HMGN4: variants seen among roughly 807,000 people sequenced by gnomAD.
HMGN4 encodes high mobility group nucleosome-binding domain-containing protein 4.
For synonymous variants in HMGN4, 39 were observed against 39.1 expected (o/e 1.00, Z 0.01); for missense variants, 69 against 104.9 (o/e 0.66, Z 1.49).
chr6:26,546,525 T>A lies in HMGN4; in HGVS notation c.*1046T>A, dbSNP rs1764352891. ...TGTGTGGGTCTTTTGATGGTTTCTA[T>A]TCTGACTGACATCAATTTGTCTAAT... is the stretch of plus-strand genomic sequence containing the variant. On this transcript the variant is annotated 3_prime_UTR_variant, in exon 2 of 2. Transcript: ENST00000377575. Among the ~76,000 whole-genome samples the A allele has an allele frequency of 6.6e-6, 1 of 152,238 alleles. No individual in the cohort carries two copies. Among genetic ancestry groups the A allele is most frequent in the Non-Finnish European group, 1.5e-5 (1 of 68,040 alleles).
intron 1 of HMGN4, among the ~76,000 whole-genome samples, chr6:26,540,462 G>A (rs1308154271): frequency 6.6e-6 from 1 of 151,808 alleles, no homozygotes; most frequent in Admixed American, 6.6e-5. Flanking sequence ...AGCTTCCCAA[G>A]TAGTTGGGAC....
At chr6:26,539,634 T>TAAAAAAAAAAAAAAAAAA (rs61003052) in intron 1 of HMGN4, among the ~76,000 whole-genome samples, 2 of 125,180 alleles carry the variant, frequency 1.6e-5, no homozygotes, top group Admixed American at 8.4e-5. Context: ...TCCGCAAAAT[T>TAAAAAAAAAAAAAAAAAA]AAAAAAAAAA....
rs371305352 is a variant in HMGN4, at chr6:26,539,052, G to C, written c.-81+551G>C. 1.2e-3 allele frequency among the ~76,000 whole-genome samples: 190 copies of C among 152,306 alleles called. 1 individual carries two copies. Among genetic ancestry groups the C allele is most frequent in the Admixed American group, 4.1e-3 (63 of 15,292 alleles). On this transcript the variant is annotated intron_variant, in intron 1 of 1. Coordinates refer to ENST00000377575, the MANE Select transcript of HMGN4 (RefSeq NM_006353.3). ...TGTTTAGAATCAGGACTGGTGCCTT[G>C]GTGTTTGGCCTCTTACCTCTGCCAC...
intron 1 of HMGN4, among the ~76,000 whole-genome samples, chr6:26,540,328 C>CTTT (rs11333869): frequency 2.8e-5 from 4 of 144,116 alleles, no homozygotes; most frequent in Non-Finnish European, 3.0e-5. Flanking sequence ...GCCTGTGAAT[C>CTTT]TTTTTTTTTT....
chr6:26,544,155 C>A (rs966620201), intron 1 of HMGN4, among the ~76,000 whole-genome samples: 2 of 152,174 alleles, frequency 1.3e-5, no homozygotes, highest in African/African-American at 4.8e-5. Context: ...GAAGAGAATG[C>A]AACCTCCCCC....
Position 26,546,013 on chromosome 6 carries a change from A to C in HMGN4, c.*534A>C, listed in dbSNP as rs771934523. ...GGATTCATCCTGCTGGTTTTACTTT[A>C]GTCCCTCCATGTCAAAGTGGGCCTG... On this transcript the variant is annotated 3_prime_UTR_variant, in exon 2 of 2. Transcript: ENST00000377575. 1.2e-5 allele frequency: 2 copies of C among 167,126 alleles called. No homozygotes were observed. The highest frequency in any genetic ancestry group is 4.8e-5 in the African/African-American group (2 of 41,458). 10.4% of individuals were successfully genotyped at this position (167,126 alleles called of 1,614,324 possible). A position where few individuals can be genotyped will look rare whatever the true frequency, so the allele number is the denominator to read the frequency against.
rs1386271770 is a variant in HMGN4 at position 26,546,426 on chromosome 6, AT to A, written c.*950del. On this transcript the variant is annotated 3_prime_UTR_variant, in exon 2 of 2. Coordinates refer to ENST00000377575, the MANE Select transcript of HMGN4 (RefSeq NM_006353.3). ...TATTCGAAGTGGTTGTCTCTGCACT[AT>A]TTACTGAAAAGTTCATCCTTTCCCC... 4.6e-5 allele frequency among the ~76,000 whole-genome samples: 7 copies of A among 152,188 alleles called. No individual in the cohort carries two copies. Among genetic ancestry groups the A allele is most frequent in the Non-Finnish European group, 7.3e-5 (5 of 68,048 alleles).
rs1001050671 is a variant in HMGN4, at chr6:26,546,524, A to T, written c.*1045A>T. Among the ~76,000 whole-genome samples the T allele has an allele frequency of 3.9e-5, 6 of 152,172 alleles. No homozygotes were observed. The highest frequency in any genetic ancestry group is 2.4e-5 in the African/African-American group (1 of 41,440). Reference sequence around the variant, plus strand: ...GTGTGTGGGTCTTTTGATGGTTTCTATTCTGACTGACATCAATTTGTCTAA... The same window carrying T: ...GTGTGTGGGTCTTTTGATGGTTTCTTTTCTGACTGACATCAATTTGTCTAA... On this transcript the variant is annotated 3_prime_UTR_variant, in exon 2 of 2. Coordinates refer to ENST00000377575, the MANE Select transcript of HMGN4 (RefSeq NM_006353.3).
intron 1 of HMGN4, among the ~76,000 whole-genome samples, chr6:26,538,886 G>T (rs1764252607): frequency 6.6e-6 from 1 of 152,196 alleles, no homozygotes; most frequent in Admixed American, 6.5e-5. Context: ...CCTGCCGTGG[G>T]CTCTCCCTTC....
At chr6:26,539,625 C>T (rs1248162958) in intron 1 of HMGN4, among the ~76,000 whole-genome samples, 1 of 96,410 alleles carries the variant, frequency 1.0e-5, no homozygotes, top group Non-Finnish European at 2.0e-5. Flanking sequence ...TTTGGTGGGT[C>T]CGCAAAATTA....
At chr6:26,544,111 A>G (rs765357068) in intron 1 of HMGN4, among the ~76,000 whole-genome samples, 8 of 152,150 alleles carry the variant, frequency 5.3e-5, no homozygotes, top group Admixed American at 1.3e-4. Flanking sequence ...GACATAGGTA[A>G]TACTCCAGCC....
At chr6:26,540,839 C>G (rs1764280463) in intron 1 of HMGN4, among the ~76,000 whole-genome samples, 3 of 152,140 alleles carry the variant, frequency 2.0e-5, no homozygotes, top group Non-Finnish European at 4.4e-5. Context: ...CTCCCAGAAA[C>G]CCAGTTCCGT....
In HMGN4 at chr6:26,545,166, C is replaced by A; in HGVS notation, c.-41C>A. 1 of 1,538,096 alleles carries A rather than the reference C, an allele frequency of 6.5e-7. No homozygotes were observed. The highest frequency in any genetic ancestry group is 1.3e-5 in the South Asian group (1 of 77,698). On this transcript the variant is annotated 5_prime_UTR_variant, in exon 2 of 2. Transcript: ENST00000377575. ...ACAGCGTGAGGAGGACAGAAGCACC[C>A]AACAGGACTGCTCAAGCCACCTGCG...
In HMGN4 at chr6:26,545,347, G is replaced by A; in HGVS notation, c.141G>A (p.Lys47=). The change falls in exon 2 of 2, where the codon AAG becomes AAA. Residue 47 remains lysine, a synonymous_variant. Coordinates refer to ENST00000377575, the MANE Select transcript of HMGN4 (RefSeq NM_006353.3). ...PEPRPKKASA[K]KGEKLPKGRK... ...CCAGGCCTAAAAAGGCCTCTGCAAAGAAGGGAGAGAAGCTTCCCAAAGGGA... is the reference window on the plus strand; with the variant it reads ...CCAGGCCTAAAAAGGCCTCTGCAAAAAAGGGAGAGAAGCTTCCCAAAGGGA... 6.2e-7 allele frequency: 1 copy of A among 1,614,108 alleles called. No individual in the cohort carries two copies.
At chr6:26,543,603 A>G (rs1764313090) in intron 1 of HMGN4, among the ~76,000 whole-genome samples, 1 of 148,148 alleles carries the variant, frequency 6.8e-6, no homozygotes, top group South Asian at 2.2e-4. Context: ...TCTAGTAAAA[A>G]TACAAAAATT....
chr6:26,545,337 C>G lies in HMGN4; in HGVS notation c.131C>G (p.Ala44Gly), dbSNP rs1764336048. ...PPKPEPRPKK[A>G]SAKKGEKLPK... is the part of the protein sequence containing the mutation. ...AAACCAGAGCCCAGGCCTAAAAAGGCCTCTGCAAAGAAGGGAGAGAAGCTT... is the reference window on the plus strand; with the variant it reads ...AAACCAGAGCCCAGGCCTAAAAAGGGCTCTGCAAAGAAGGGAGAGAAGCTT... Residue 44 changes from alanine (A) to glycine (G), a missense_variant, in exon 2 of 2, where the codon GCC becomes GGC. Physicochemically the swap from Ala to Gly is moderately conservative, Grantham distance 60. Coordinates refer to ENST00000377575, the MANE Select transcript of HMGN4 (RefSeq NM_006353.3). The G allele has an allele frequency of 6.2e-7, 1 of 1,613,974 alleles. No homozygotes were observed. Among genetic ancestry groups the G allele is most frequent in the Non-Finnish European group, 8.5e-7 (1 of 1,180,012 alleles).
At chr6:26,543,421 C>CTTTTTTTTTGTTTTTT (rs1764309886) in intron 1 of HMGN4, among the ~76,000 whole-genome samples, 1 of 80,136 alleles carries the variant, frequency 1.2e-5, no homozygotes, top group African/African-American at 5.7e-5. Context: ...GCACCATTAC[C>CTTTTTTTTTGTTTTTT]TTTTTTTTTT....
chr6:26,546,399 C>G lies in HMGN4; in HGVS notation c.*920C>G, dbSNP rs1374019214. 6.0e-6 allele frequency: 1 copy of G among 166,988 alleles called. No homozygotes were observed. Among genetic ancestry groups the G allele is most frequent in the Admixed American group, 6.5e-5 (1 of 15,284 alleles). The allele number at this position is 166,988 out of a possible 1,614,324, so 10.3% of individuals were successfully genotyped here. A position where few individuals can be genotyped will look rare whatever the true frequency, so the allele number is the denominator to read the frequency against. ...GTTAGAAATTCAACTTAACATTTTT[C>G]ATATTCGAAGTGGTTGTCTCTGCAC... On this transcript the variant is annotated 3_prime_UTR_variant, in exon 2 of 2. Coordinates refer to ENST00000377575, the MANE Select transcript of HMGN4 (RefSeq NM_006353.3).
At chr6:26,543,193 C>T (rs535480628) in intron 1 of HMGN4, among the ~76,000 whole-genome samples, 4 of 152,182 alleles carry the variant, frequency 2.6e-5, no homozygotes, top group African/African-American at 4.8e-5. Context: ...AATCAAGTCA[C>T]CCTACCATTA....
Sources: gnomAD v4.1 joint callset for allele counts (sites outside exome capture counted in the v4.1 genomes callset) on GRCh38, gnomAD v4.1.1 for gene constraint, MANE v1.5 for transcripts, NCBI Gene and HGNC (gene_info 2026-07-23, HGNC 2026-07-21) for gene names.